ANKRD31: variants seen among roughly 807,000 people sequenced by gnomAD.
ANKRD31 encodes the protein ankyrin repeat domain 31.
In ANKRD31, 147 loss-of-function variants were observed where a neutral mutation model predicts 186.0. The ratio of observed to expected loss-of-function variants is 0.79; its 90% CI spans 0.69 to 0.91. The LOEUF (loss-of-function observed/expected upper bound fraction) is 0.91, where lower values mean the gene tolerates loss of function less well. Among genes scored for constraint, ANKRD31 ranks in the 40% least tolerant of loss-of-function variants. ANKRD31 has a pLI of 0.00. For missense variants in ANKRD31, 1,986 were observed against 2,148.8 expected, an observed-to-expected ratio of 0.92 and a Z score of 1.50; for synonymous variants, 673 against 736.4, an observed-to-expected ratio of 0.91 and a Z score of 1.39.
At chr5:75,072,926 T>G (rs1351854470) in intron 25 of ANKRD31, among the ~76,000 whole-genome samples, 2 of 152,232 alleles carry the variant, frequency 1.3e-5, no homozygotes, top group Admixed American at 6.5e-5. Context: ...TGTTGGAGTG[T>G]AAGACCTGAT....
intron 5 of ANKRD31, among the ~76,000 whole-genome samples, chr5:75,200,655 G>A (rs1441789445): frequency 6.6e-6 from 1 of 150,852 alleles, no homozygotes; most frequent in Non-Finnish European, 1.5e-5. Flanking sequence ...GCTCACGCCT[G>A]TAATCCCAGC....
chr5:75,195,657 T>C lies in ANKRD31; in HGVS notation c.991A>G (p.Asn331Asp). Residue 331 changes from asparagine (N) to aspartate (D), a missense_variant, in exon 7 of 26, where the codon AAT becomes GAT. Transcript: ENST00000506364. ...LEVEFNTSQT[N>D]EDCTQIAETL... The stretch of plus-strand genomic sequence containing the variant: ...TCTGCTATTTGTGTACAATCTTCAT[T>C]GGTCTGAGACGTATTGAACTCCACT... 3 of 1,531,542 alleles carry C rather than the reference T, an allele frequency of 2.0e-6. No individual in the cohort carries two copies. Among genetic ancestry groups the C allele is most frequent in the Non-Finnish European group, 2.6e-6 (3 of 1,144,518 alleles). 94.9% of individuals were successfully genotyped at this position (1,531,542 alleles called of 1,614,324 possible).
intron 17 of ANKRD31, among the ~76,000 whole-genome samples, chr5:75,128,953 T>TA (rs1209867213): frequency 6.6e-6 from 1 of 152,192 alleles, no homozygotes; most frequent in East Asian, 1.9e-4. Context: ...TTAAATACTG[T>TA]AAAGGCCAAA....
At chr5:75,170,947 T>C (rs1753270140) in intron 10 of ANKRD31, among the ~76,000 whole-genome samples, 1 of 152,080 alleles carries the variant, frequency 6.6e-6, no homozygotes, top group African/African-American at 2.4e-5. Context: ...CATAACGTTA[T>C]GTATCTAATA....
intron 9 of ANKRD31, among the ~76,000 whole-genome samples, chr5:75,189,111 G>A (rs1580521450): frequency 6.6e-6 from 1 of 152,130 alleles, no homozygotes; most frequent in Non-Finnish European, 1.5e-5. Context: ...ACTAATCCCA[G>A]TGAGACTGGA....
intron 17 of ANKRD31, among the ~76,000 whole-genome samples, chr5:75,131,456 T>C (rs1749826835): frequency 6.6e-6 from 1 of 152,098 alleles, no homozygotes; most frequent in Admixed American, 6.5e-5. Flanking sequence ...GCAGCGAGGC[T>C]GGGGGAGGGG....
chr5:75,096,352 T>C (rs970843077), intron 22 of ANKRD31, among the ~76,000 whole-genome samples: 2 of 152,234 alleles, frequency 1.3e-5, no homozygotes, highest in Non-Finnish European at 1.5e-5. Context: ...CACTTTTTAA[T>C]GGGATCATTT....
intron 17 of ANKRD31, among the ~76,000 whole-genome samples, chr5:75,129,587 A>C (rs781288964): frequency 2.6e-5 from 4 of 152,210 alleles, no homozygotes; most frequent in Admixed American, 6.5e-5. Flanking sequence ...GTATCAATGA[A>C]GGATCCAAGG....
At chr5:75,167,675 C>A (rs560124380) in intron 11 of ANKRD31, among the ~76,000 whole-genome samples, 5 of 152,026 alleles carry the variant, frequency 3.3e-5, no homozygotes, top group Admixed American at 2.0e-4. Flanking sequence ...ATTGAAGGAA[C>A]CAGAGATTAT....
chr5:75,160,856 A>G (rs1270476786), intron 11 of ANKRD31, among the ~76,000 whole-genome samples: 4 of 152,104 alleles, frequency 2.6e-5, no homozygotes, highest in African/African-American at 9.7e-5. Flanking sequence ...GGGGAAATCT[A>G]TTTCTCTTGG....
chr5:75,159,709 G>C (rs996884529), intron 11 of ANKRD31, among the ~76,000 whole-genome samples: 1 of 150,592 alleles, frequency 6.6e-6, no homozygotes, highest in South Asian at 2.1e-4. Context: ...TAGAAGACCT[G>C]CTTTAAAGGA....
chr5:75,181,020 TCAAA>T (rs1352624211), intron 10 of ANKRD31, among the ~76,000 whole-genome samples: 1 of 115,204 alleles, frequency 8.7e-6, no homozygotes. Context: ...TACAATGAAC[TCAAA>T]CAAATTTACA....
intron 17 of ANKRD31, among the ~76,000 whole-genome samples, chr5:75,121,181 A>AT (rs529556847): frequency 3.4e-5 from 4 of 116,070 alleles, no homozygotes; most frequent in South Asian, 2.5e-4. Flanking sequence ...GACTCTATAT[A>AT]AAAAAAAAAA....
At chr5:75,108,930 C>G (rs1225475396) in intron 20 of ANKRD31, among the ~76,000 whole-genome samples, 1 of 152,072 alleles carries the variant, frequency 6.6e-6, no homozygotes, top group Non-Finnish European at 1.5e-5. Flanking sequence ...ACTATAGTAA[C>G]TTAAAATATT....
intron 25 of ANKRD31, among the ~76,000 whole-genome samples, chr5:75,078,211 C>A (rs1744815392): frequency 1.3e-5 from 2 of 152,072 alleles, no homozygotes. Context: ...TTATCAGGTA[C>A]CCATCTTTGG....
At chr5:75,180,672 G>T (rs1039733850) in intron 10 of ANKRD31, among the ~76,000 whole-genome samples, 2 of 152,134 alleles carry the variant, frequency 1.3e-5, no homozygotes, top group Non-Finnish European at 2.9e-5. Context: ...GGGAAAACTG[G>T]CTAGCCATAT....
In ANKRD31 at chr5:75,146,430, A is replaced by G; in HGVS notation, c.2981T>C (p.Phe994Ser). The G allele has an allele frequency of 6.5e-7, 1 of 1,536,538 alleles. No individual in the cohort carries two copies. Among genetic ancestry groups the G allele is most frequent in the Non-Finnish European group, 8.7e-7 (1 of 1,146,484 alleles). The change falls in exon 14 of 26, where the codon TTT becomes TCT. Residue 994 changes from phenylalanine to serine, a missense_variant. Coordinates refer to ENST00000506364, the MANE Select transcript of ANKRD31 (RefSeq NM_001372053.1). ...EHVANYEQCIFGPSFDHSNGN... is the reference protein window; with the variant it reads ...EHVANYEQCISGPSFDHSNGN... Reference sequence around the variant, plus strand: ...ATTTGAGTGATCAAAAGAAGGTCCAAATATGCATTGTTCATAATTTGCAAC... The same window carrying G: ...ATTTGAGTGATCAAAAGAAGGTCCAGATATGCATTGTTCATAATTTGCAAC...
chr5:75,173,555 T>G (rs1294404391), intron 10 of ANKRD31, among the ~76,000 whole-genome samples: 2 of 152,140 alleles, frequency 1.3e-5, no homozygotes, highest in Non-Finnish European at 2.9e-5. Context: ...AAAATCAATG[T>G]GCAAAAATCA....
chr5:75,132,040 A>G (rs1749889099), intron 17 of ANKRD31, among the ~76,000 whole-genome samples: 1 of 152,244 alleles, frequency 6.6e-6, no homozygotes, highest in African/African-American at 2.4e-5. Context: ...AAAGGTAGAT[A>G]AAACCACAAA....
Sources: gnomAD v4.1 joint callset for allele counts (sites outside exome capture counted in the v4.1 genomes callset) on GRCh38, gnomAD v4.1.1 for gene constraint, MANE v1.5 for transcripts, NCBI Gene and HGNC (gene_info 2026-07-23, HGNC 2026-07-21) for gene names.